The following ERGIC2 variants were observed in gnomAD, a reference collection of about 807,000 sequenced individuals.
ERGIC2 encodes the protein endoplasmic reticulum-Golgi intermediate compartment protein 2.
ERGIC2 carries 31 observed loss-of-function variants against 52.5 expected under a neutral mutation model. The ratio of observed to expected loss-of-function variants is 0.59; its 90% CI spans 0.44 to 0.80. The LOEUF (loss-of-function observed/expected upper bound fraction) is 0.80. ERGIC2 is among the 30% of genes least tolerant of loss of function. The probability of loss-of-function intolerance (pLI) is 0.00; values close to 1 mark genes in which losing one functional copy is unlikely to be tolerated. For synonymous variants in ERGIC2, 129 were observed against 140.6 expected (o/e 0.92, Z 0.58); for missense variants, 395 against 455.2 (o/e 0.87, Z 1.20).
intron 1 of ERGIC2, among the ~76,000 whole-genome samples, chr12:29,377,676 C>G (rs1940533000): frequency 6.6e-6 from 1 of 152,100 alleles, no homozygotes; most frequent in African/African-American, 2.4e-5. Flanking sequence ...GAAAAACTTC[C>G]TAAGACATAA....
intron 1 of ERGIC2, among the ~76,000 whole-genome samples, chr12:29,376,927 T>TTG (rs10666709): frequency 0.35 from 53,305 of 151,976 alleles, 11,205 homozygotes; most frequent in African/African-American, 0.6. Context: ...TTATTCCATT[T>TTG]TGTCAAAACA....
At position 29,371,514 on chromosome 12, in the gene ERGIC2, TA is replaced by T; in HGVS notation, c.106+13del. 6.5e-7 allele frequency: 1 copy of T among 1,543,906 alleles called. No homozygotes were observed. Among genetic ancestry groups the T allele is most frequent in the Non-Finnish European group, 8.8e-7 (1 of 1,136,558 alleles). On this transcript the variant is annotated intron_variant, in intron 2 of 13. Transcript: ENST00000360150. Reference sequence around the variant, plus strand: ...GTACTTACTACAGAACTTTTAATGTTAACTGATACTCACCTGTACCTCCACT... The same window carrying T: ...GTACTTACTACAGAACTTTTAATGTTACTGATACTCACCTGTACCTCCACT...
In ERGIC2 at chr12:29,338,833, T is replaced by A. The variant is rs1012640569; in HGVS notation, c.*2323A>T. Reference sequence around the variant, plus strand: ...TAATTTGAGATCTCATTTTTAAATATGTAGTCTGGAATATAAACATATAGA... The same window carrying A: ...TAATTTGAGATCTCATTTTTAAATAAGTAGTCTGGAATATAAACATATAGA... On this transcript the variant is annotated 3_prime_UTR_variant, in exon 14 of 14. Coordinates refer to ENST00000360150, the MANE Select transcript of ERGIC2 (RefSeq NM_016570.3). The A allele has an allele frequency of 6.6e-6, 1 of 152,162 alleles. No homozygotes were observed. The highest frequency in any genetic ancestry group is 1.5e-5 in the Non-Finnish European group (1 of 68,026). 9.4% of individuals were successfully genotyped at this position (152,162 alleles called of 1,614,324 possible). A position where few individuals can be genotyped will look rare whatever the true frequency, so the allele number is the denominator to read the frequency against.
chr12:29,343,747 A>G (rs548130282), intron 11 of ERGIC2, among the ~76,000 whole-genome samples: 1 of 152,330 alleles, frequency 6.6e-6, no homozygotes, highest in South Asian at 2.1e-4. Context: ...TTTCCAATAA[A>G]GTGACTACAT....
At chr12:29,355,178 G>A (rs1940185426) in intron 8 of ERGIC2, among the ~76,000 whole-genome samples, 1 of 152,006 alleles carries the variant, frequency 6.6e-6, no homozygotes. Context: ...CCACTGACTT[G>A]CAGCGTACAT....
chr12:29,360,788 G>A, intron 6 of ERGIC2, among the ~76,000 whole-genome samples: 1 of 151,590 alleles, frequency 6.6e-6, no homozygotes, highest in Non-Finnish European at 1.5e-5. Flanking sequence ...GAAAGAGAAG[G>A]GGGCTTTTAC....
chr12:29,350,331 A>G (rs1940114447), intron 8 of ERGIC2, among the ~76,000 whole-genome samples: 1 of 152,132 alleles, frequency 6.6e-6, no homozygotes, highest in African/African-American at 2.4e-5. Flanking sequence ...CAAGTATATT[A>G]TGTAGTTACA....
chr12:29,367,608 AT>A (rs1940382266), intron 4 of ERGIC2, among the ~76,000 whole-genome samples: 1 of 151,864 alleles, frequency 6.6e-6, no homozygotes, highest in Non-Finnish European at 1.5e-5. Context: ...ATTGGGTAAA[AT>A]TATTTCATAC....
chr12:29,338,626 AG>A lies in ERGIC2; in HGVS notation c.*2529del, dbSNP rs780160830. 6.6e-5 allele frequency: 10 copies of A among 152,128 alleles called. No homozygotes were observed. The highest frequency in any genetic ancestry group is 1.3e-4 in the Non-Finnish European group (9 of 68,068). 9.4% of individuals were successfully genotyped at this position (152,128 alleles called of 1,614,324 possible). ...GCCACTGCACTTCAGCCTGGGCAAC[AG>A]TGCGAGACCCCATCTCTTAAAAAAA... On this transcript the variant is annotated 3_prime_UTR_variant, in exon 14 of 14. Transcript: ENST00000360150.
Position 29,371,640 on chromosome 12 carries a change from G to A in ERGIC2, c.-7C>T. The A allele has an allele frequency of 6.3e-7, 1 of 1,591,846 alleles. No individual in the cohort carries two copies. The highest frequency in any genetic ancestry group is 1.1e-5 in the South Asian group (1 of 90,428). The stretch of plus-strand genomic sequence containing the variant: ...TCCGATTCAGTCGCCTCATCTTCAG[G>A]AAAACCTTCCTCTTCCTTCATATAG... On this transcript the variant is annotated 5_prime_UTR_variant, in exon 2 of 14. Transcript: ENST00000360150.
Position 29,338,039 on chromosome 12 carries a change from T to C in ERGIC2, c.*3117A>G, listed in dbSNP as rs1591983580. On this transcript the variant is annotated 3_prime_UTR_variant, in exon 14 of 14. Transcript: ENST00000360150. ...ATATAAAAAAATTAGCTGGGCTTGG[T>C]GGTACGCACCTGTAGTCCCAGCTAC... The C allele has an allele frequency of 1.3e-5, 2 of 152,124 alleles. No individual in the cohort carries two copies. Among genetic ancestry groups the C allele is most frequent in the Admixed American group, 1.3e-4 (2 of 15,250 alleles). 9.4% of individuals were successfully genotyped at this position (152,124 alleles called of 1,614,324 possible).
Position 29,370,151 on chromosome 12 carries a change from T to C in ERGIC2, c.178A>G (p.Met60Val). Reference sequence around the variant, plus strand: ...TTGTCTACTTCGTATTCATACTTCATCCATGTATCTTGATATACTGAGAAT... The same window carrying C: ...TTGTCTACTTCGTATTCATACTTCACCCATGTATCTTGATATACTGAGAAT... ...MEFSVYQDTW[M>V]KYEYEVDKDF... The change falls in exon 3 of 14, where the codon ATG becomes GTG. Residue 60 changes from methionine to valine, a missense_variant. Physicochemically the swap from Met to Val is conservative, Grantham distance 21. Transcript: ENST00000360150. The C allele has an allele frequency of 6.5e-7, 1 of 1,546,172 alleles. No individual in the cohort carries two copies. Among genetic ancestry groups the C allele is most frequent in the Non-Finnish European group, 8.6e-7 (1 of 1,157,242 alleles).
At chr12:29,376,670 T>G (rs1054808675) in intron 1 of ERGIC2, among the ~76,000 whole-genome samples, 1 of 152,166 alleles carries the variant, frequency 6.6e-6, no homozygotes, top group South Asian at 2.1e-4. Flanking sequence ...TTTTCACTGG[T>G]GTTCTCAAAT....
At chr12:29,370,300 G>C (rs1323927564) in intron 2 of ERGIC2, 78 bp from the exon 3 acceptor site, 2 of 1,393,478 alleles carry the variant, frequency 1.4e-6, no homozygotes, top group Non-Finnish European at 9.4e-7. Context: ...ATTTAAGTGA[G>C]ATTAAATTTT....
At chr12:29,367,063 A>C (rs1940374725) in intron 4 of ERGIC2, 116 bp from the exon 5 acceptor site, 1 of 487,144 alleles carries the variant, frequency 2.1e-6, no homozygotes, top group Non-Finnish European at 3.5e-6. Context: ...AAAAAAAAAA[A>C]CCTCACCAAC....
intron 11 of ERGIC2, among the ~76,000 whole-genome samples, chr12:29,343,528 G>T (rs545974565): frequency 6.6e-6 from 1 of 152,236 alleles, no homozygotes; most frequent in African/African-American, 2.4e-5. Context: ...TCTCAAAAAG[G>T]TCACCTTAGA....
intron 4 of ERGIC2, among the ~76,000 whole-genome samples, chr12:29,367,680 T>C (rs1330485864): frequency 6.6e-6 from 1 of 151,854 alleles, no homozygotes; most frequent in Non-Finnish European, 1.5e-5. Flanking sequence ...CAGTAACTCA[T>C]AAAATATTTT....
At position 29,339,101 on chromosome 12, in the gene ERGIC2, C is replaced by T. The variant is rs1405341451; in HGVS notation, c.*2055G>A. The T allele has an allele frequency of 6.6e-6, 1 of 152,060 alleles. No individual in the cohort carries two copies. The highest frequency in any genetic ancestry group is 1.5e-5 in the Non-Finnish European group (1 of 67,988). 9.4% of individuals were successfully genotyped at this position (152,060 alleles called of 1,614,324 possible). ...TACTTCCATTGCCAAAAATCTGACT[C>T]TATTTGAGGAGTTTCAGATGGAAGC... is the stretch of plus-strand genomic sequence containing the variant. On this transcript the variant is annotated 3_prime_UTR_variant, in exon 14 of 14. Transcript: ENST00000360150.
chr12:29,378,293 A>T (rs1344674025), intron 1 of ERGIC2, among the ~76,000 whole-genome samples: 1 of 152,184 alleles, frequency 6.6e-6, no homozygotes, highest in Non-Finnish European at 1.5e-5. Context: ...GAGTCAAAGA[A>T]GGATTCTTTC....
Sources: allele counts gnomAD v4.1 joint callset (sites outside exome capture counted in the v4.1 genomes callset), GRCh38; gene constraint gnomAD v4.1.1; transcripts MANE v1.5; gene names NCBI Gene and HGNC (gene_info 2026-07-23, HGNC 2026-07-21).